The following NLGN4X variants were observed in gnomAD, a reference collection of about 807,000 sequenced individuals.
NLGN4X encodes the protein neuroligin-4, X-linked.
In NLGN4X, 3 loss-of-function variants were observed where a neutral mutation model predicts 40.3. The observed-to-expected ratio is 0.07, with a 90% CI of 0.03 to 0.19. The LOEUF is 0.19. Ranked by LOEUF, NLGN4X falls within the 10% of genes least tolerant of loss-of-function variation. The pLI, the probability that NLGN4X is intolerant of heterozygous loss-of-function variation, is 1.00. For missense variants in NLGN4X, 382 were observed against 708.3 expected (o/e 0.54, Z 5.23); for synonymous variants, 270 against 306.8 (o/e 0.88, Z 1.25).
chrX:6,001,093 C>A (rs2035959686), intron 3 of NLGN4X, among the ~76,000 whole-genome samples: 1 of 111,376 alleles, frequency 9.0e-6, no homozygotes, highest in African/African-American at 3.3e-5. Flanking sequence ...CTTACACAAT[C>A]CTCTGATCTC....
At chrX:5,979,386 T>G (rs905581567) in intron 3 of NLGN4X, among the ~76,000 whole-genome samples, 1 of 110,728 alleles carries the variant, frequency 9.0e-6, no homozygotes, top group African/African-American at 3.3e-5. Context: ...CTGAACCACA[T>G]GGTACTTGTA....
intron 2 of NLGN4X, among the ~76,000 whole-genome samples, chrX:6,138,362 T>C (rs1251240673): frequency 8.9e-6 from 1 of 111,792 alleles, no homozygotes; most frequent in Non-Finnish European, 1.9e-5. Flanking sequence ...ACATGTTTTC[T>C]AAGACTTCCA....
intron 1 of NLGN4X, among the ~76,000 whole-genome samples, chrX:6,183,053 T>C (rs1921634756): frequency 8.9e-6 from 1 of 111,850 alleles, no homozygotes; most frequent in Admixed American, 9.5e-5. Flanking sequence ...AAAGTGTCCA[T>C]TAGATGTGAA....
chrX:5,942,845 C>T (rs1006434624), intron 3 of NLGN4X, among the ~76,000 whole-genome samples: 2 of 110,920 alleles, frequency 1.8e-5, no homozygotes, highest in Non-Finnish European at 3.8e-5. Context: ...GGGGCCTGTC[C>T]ACCAACCTTA....
At chrX:5,947,761 A>T (rs1188809385) in intron 3 of NLGN4X, among the ~76,000 whole-genome samples, 1 of 111,635 alleles carries the variant, frequency 9.0e-6, no homozygotes, top group Non-Finnish European at 1.9e-5. Flanking sequence ...TTTCTGTGAG[A>T]TGTATATTAT....
At chrX:6,134,510 G>A (rs140467568) in intron 2 of NLGN4X, among the ~76,000 whole-genome samples, 1,451 of 112,101 alleles carry the variant, frequency 0.013, 22 homozygotes, top group African/African-American at 0.044. Flanking sequence ...GATGATTCCA[G>A]TTAGTTGTGC....
chrX:5,937,015 A>G (rs755642237), intron 3 of NLGN4X, among the ~76,000 whole-genome samples: 1 of 111,391 alleles, frequency 9.0e-6, no homozygotes, highest in African/African-American at 3.3e-5. Context: ...AATGCCCCCA[A>G]GTTTCTCCCC....
intron 2 of NLGN4X, among the ~76,000 whole-genome samples, chrX:6,049,227 AAGGGGAGGGGAGGGGAGGGGAGGGG>A (rs376281656): frequency 1.5e-3 from 14 of 9,560 alleles, no homozygotes; most frequent in Non-Finnish European, 2.2e-3. Flanking sequence ...CAGGCCAGGA[AAGGGGAGGGGAGGGGAGGGGAGGGG>A]AGGGGAGGGG....
intron 2 of NLGN4X, among the ~76,000 whole-genome samples, chrX:6,084,008 C>T (rs1160366826): frequency 8.9e-6 from 1 of 111,753 alleles, no homozygotes; most frequent in Admixed American, 9.5e-5. Context: ...AGAATGAAGT[C>T]AAGAACAAAT....
chrX:5,971,175 G>T (rs1221971114), intron 3 of NLGN4X, among the ~76,000 whole-genome samples: 1 of 111,569 alleles, frequency 9.0e-6, no homozygotes, highest in Non-Finnish European at 1.9e-5. Context: ...AGTTTCTCAG[G>T]AAAGGAATGT....
At chrX:5,987,062 AAAT>A (rs2035549490) in intron 3 of NLGN4X, among the ~76,000 whole-genome samples, 1 of 111,962 alleles carries the variant, frequency 8.9e-6, no homozygotes, top group African/African-American at 3.2e-5. Context: ...CTCAAACTCA[AAAT>A]AATAACCATA....
At chrX:5,921,078 T>C (rs1293817163) in intron 3 of NLGN4X, among the ~76,000 whole-genome samples, 1 of 107,297 alleles carries the variant, frequency 9.3e-6, no homozygotes, top group Non-Finnish European at 1.9e-5. Flanking sequence ...GTGATTCATG[T>C]GCTTTTGTAT....
chrX:5,937,652 C>T (rs1028973014), intron 3 of NLGN4X, among the ~76,000 whole-genome samples: 7 of 111,566 alleles, frequency 6.3e-5, no homozygotes. Flanking sequence ...ATCTGGGATG[C>T]TTTTGCTTAC....
intron 3 of NLGN4X, among the ~76,000 whole-genome samples, chrX:5,922,960 TGGG>T (rs2033132496): frequency 8.9e-6 from 1 of 112,039 alleles, no homozygotes; most frequent in African/African-American, 3.2e-5. Flanking sequence ...TATTTGTGTG[TGGG>T]ATAAGTTTGC....
intron 1 of NLGN4X, among the ~76,000 whole-genome samples, chrX:6,214,541 C>G (rs1156375169): frequency 3.6e-5 from 4 of 111,455 alleles, no homozygotes; most frequent in Non-Finnish European, 7.5e-5. Context: ...TTTCTTTTCT[C>G]TTGATTATAT....
At chrX:5,983,223 G>C (rs942034431) in intron 3 of NLGN4X, among the ~76,000 whole-genome samples, 1 of 112,141 alleles carries the variant, frequency 8.9e-6, no homozygotes, top group Non-Finnish European at 1.9e-5. Flanking sequence ...AAAGAACCTA[G>C]AATTTCGCTA....
chrX:6,168,405 C>G (rs969108517), intron 1 of NLGN4X, among the ~76,000 whole-genome samples: 1 of 112,505 alleles, frequency 8.9e-6, no homozygotes, highest in African/African-American at 3.2e-5. Flanking sequence ...AAACAAAAAA[C>G]GTAAAATAAT....
chrX:6,146,015 T>C (rs2147679912), intron 2 of NLGN4X, among the ~76,000 whole-genome samples: 1 of 108,668 alleles, frequency 9.2e-6, no homozygotes, highest in African/African-American at 3.4e-5. Context: ...CTCAGGAAGC[T>C]GAGATGGAAG....
intron 3 of NLGN4X, among the ~76,000 whole-genome samples, chrX:5,982,604 A>G (rs926939538): frequency 1.2e-4 from 13 of 112,413 alleles, no homozygotes; most frequent in Admixed American, 3.8e-4. Flanking sequence ...GTCTCTTAAA[A>G]ACATTTTAGT....
Sources: allele counts gnomAD v4.1 joint callset (sites outside exome capture counted in the v4.1 genomes callset), GRCh38; gene constraint gnomAD v4.1.1; transcripts MANE v1.5; gene names NCBI Gene and HGNC (gene_info 2026-07-23, HGNC 2026-07-21).